Variants in ZFHX3 observed in about 807,000 individuals in gnomAD.
The protein encoded by ZFHX3 is zinc finger homeobox 3.
Under a neutral mutation model 279.1 loss-of-function variants are expected in ZFHX3, and 42 were observed. The observed-to-expected ratio is 0.15, with a 90% CI of 0.12 to 0.19. The LOEUF is 0.19. ZFHX3 is among the 10% of genes least tolerant of loss of function. The pLI, the probability that ZFHX3 is intolerant of heterozygous loss-of-function variation, is 1.00. For missense variants in ZFHX3, 4,981 were observed against 4,754.0 expected, an observed-to-expected ratio of 1.05 and a Z score of -1.40; for synonymous variants, 2,293 against 1,957.8, an observed-to-expected ratio of 1.17 and a Z score of -4.52.
chr16:73,206,528 C>T (rs966593609), intron 5 of ZFHX3, among the ~76,000 whole-genome samples: 4 of 152,194 alleles, frequency 2.6e-5, no homozygotes, highest in Non-Finnish European at 4.4e-5. Context: ...AGCTTGGTTA[C>T]ATCATAGTAA....
chr16:73,198,419 G>C (rs2144896356), intron 5 of ZFHX3, among the ~76,000 whole-genome samples: 1 of 149,532 alleles, frequency 6.7e-6, no homozygotes, highest in South Asian at 2.1e-4. Flanking sequence ...ACTAAAAAAT[G>C]CTTATTTTAT....
At chr16:73,051,299 A>G (rs1015632637), upstream of ZFHX3, among the ~76,000 whole-genome samples, 3 of 152,240 alleles carry the variant, frequency 2.0e-5, no homozygotes, top group African/African-American at 7.2e-5. Flanking sequence ...GAAATAAACA[A>G]GGAACCATTT....
intron 4 of ZFHX3, among the ~76,000 whole-genome samples, chr16:72,870,207 T>C (rs1353568309): frequency 2.7e-5 from 4 of 150,314 alleles, no homozygotes; most frequent in Non-Finnish European, 5.9e-5. Context: ...GCCTGGGCAA[T>C]GTGGTGAGAC....
At chr16:72,972,692 T>G (rs1260230616) in intron 1 of ZFHX3, among the ~76,000 whole-genome samples, 1 of 152,128 alleles carries the variant, frequency 6.6e-6, no homozygotes, top group Non-Finnish European at 1.5e-5. Context: ...CCTCCTGGTC[T>G]TGGTCAATGG....
At chr16:73,570,128 T>C (rs144641907) in intron 2 of ZFHX3, among the ~76,000 whole-genome samples, 20 of 152,326 alleles carry the variant, frequency 1.3e-4, no homozygotes, top group South Asian at 4.1e-4. Flanking sequence ...AAGATAAAGA[T>C]ATCAAAGCCA....
In ZFHX3 at chr16:73,528,254, T is replaced by C. The variant is rs956981509; in HGVS notation, c.-1546-71996A>G. On this transcript the variant is annotated intron_variant, in intron 2 of 17. Transcript: ENST00000641206. ...AGATTTATGAGTTTTGTGGAAGATG[T>C]AGCATCATTATCAGGCACGATTATT... 5.3e-5 allele frequency among the ~76,000 whole-genome samples: 8 copies of C among 152,226 alleles called. No individual in the cohort carries two copies. In the South Asian group the frequency reaches 6.2e-4, roughly 12 times the overall value.
intron 1 of ZFHX3, among the ~76,000 whole-genome samples, chr16:73,843,273 G>A (rs1275104950): frequency 1.3e-5 from 2 of 152,176 alleles, no homozygotes; most frequent in African/African-American, 4.8e-5. Context: ...CCAATAGAAA[G>A]ACAATGCCTA....
chr16:72,874,460 C>A (rs2038255155), intron 4 of ZFHX3, among the ~76,000 whole-genome samples: 1 of 152,022 alleles, frequency 6.6e-6, no homozygotes, highest in Non-Finnish European at 1.5e-5. Context: ...CCTCGGCCTC[C>A]CAAAGTGCTG....
chr16:72,919,775 A>ATTTT (rs1567583993), intron 3 of ZFHX3, among the ~76,000 whole-genome samples: 3 of 49,572 alleles, frequency 6.1e-5, no homozygotes, highest in African/African-American at 9.3e-5. Context: ...TATATGCACC[A>ATTTT]TCTTTTTTTT....
At chr16:72,897,041 G>C (rs16971380) in intron 3 of ZFHX3, among the ~76,000 whole-genome samples, 49,396 of 152,062 alleles carry the variant, frequency 0.32, 8,657 homozygotes, top group African/African-American at 0.45. Flanking sequence ...CAGGAGATGC[G>C]AGGTGCTTCC....
At chr16:72,921,839 C>T (rs2039594156) in intron 3 of ZFHX3, among the ~76,000 whole-genome samples, 1 of 152,200 alleles carries the variant, frequency 6.6e-6, no homozygotes, top group South Asian at 2.1e-4. Context: ...TTCCTAGCAA[C>T]CCTCACCGGC....
chr16:72,797,439 G>A lies in ZFHX3; in HGVS notation c.5243C>T (p.Ala1748Val). Residue 1748 changes from alanine to valine, a missense_variant, in exon 9 of 10, where the codon GCC becomes GTC. By Grantham distance (64) the Ala-to-Val change is moderately conservative. Transcript: ENST00000268489. ...QQQQAQTLAQ[A>V]QAQVQAHLQQ... ...CAGGTGAGCTTGAACTTGAGCCTGG[G>A]CCTGGGCCAGCGTTTGTGCTTGTTG... 1 of 1,613,522 alleles carries A rather than the reference G, an allele frequency of 6.2e-7. No homozygotes were observed. The highest frequency in any genetic ancestry group is 1.1e-5 in the South Asian group (1 of 90,828).
chr16:73,717,968 G>A (rs973561127), intron 1 of ZFHX3, among the ~76,000 whole-genome samples: 11 of 152,202 alleles, frequency 7.2e-5, no homozygotes, highest in African/African-American at 2.4e-4. Flanking sequence ...GGTTACAGGC[G>A]AGGATGTGGT....
intron 3 of ZFHX3, among the ~76,000 whole-genome samples, chr16:73,441,918 C>T (rs538054941): frequency 3.9e-5 from 6 of 152,126 alleles, no homozygotes; most frequent in African/African-American, 1.2e-4. Context: ...AAACGTGTAC[C>T]GTTTTGAGAA....
chr16:73,523,731 C>T (rs2019646385), intron 2 of ZFHX3, among the ~76,000 whole-genome samples: 1 of 151,796 alleles, frequency 6.6e-6, no homozygotes, highest in Admixed American at 6.6e-5. Flanking sequence ...AATTTCCCCT[C>T]CTTTTGTTTT....
intron 4 of ZFHX3, among the ~76,000 whole-genome samples, chr16:73,271,293 T>A (rs1211385611): frequency 6.6e-6 from 1 of 152,194 alleles, no homozygotes; most frequent in Non-Finnish European, 1.5e-5. Context: ...TTCTTCTAAG[T>A]CAGTCTTCTT....
chr16:72,954,721 T>C (rs969979371), intron 2 of ZFHX3, among the ~76,000 whole-genome samples: 2 of 152,142 alleles, frequency 1.3e-5, no homozygotes, highest in East Asian at 3.9e-4. Flanking sequence ...TCACAAGGCC[T>C]CAAATCTAAT....
At chr16:73,230,492 C>G (rs936301225) in intron 5 of ZFHX3, among the ~76,000 whole-genome samples, 1 of 152,160 alleles carries the variant, frequency 6.6e-6, no homozygotes, top group Non-Finnish European at 1.5e-5. Flanking sequence ...CTCCCTAGTG[C>G]CCCATTCTGG....
At chr16:73,319,054 A>T (rs1259602813) in intron 3 of ZFHX3, among the ~76,000 whole-genome samples, 1 of 147,888 alleles carries the variant, frequency 6.8e-6, no homozygotes, top group Non-Finnish European at 1.5e-5. Flanking sequence ...GGACCAGCTC[A>T]GCAGTAAATA....
Sources: gnomAD v4.1 joint callset for allele counts (sites outside exome capture counted in the v4.1 genomes callset) on GRCh38, gnomAD v4.1.1 for gene constraint, MANE v1.5 for transcripts, NCBI Gene and HGNC (gene_info 2026-07-23, HGNC 2026-07-21) for gene names.